The following PHF12 variants were observed in gnomAD, a reference collection of about 807,000 sequenced individuals.
The protein encoded by PHF12 is PHD finger protein 12.
A neutral mutation model predicts 99.8 loss-of-function variants in PHF12; 6 were observed. That is an observed-to-expected ratio of 0.06 (90% confidence interval 0.03 to 0.12). The LOEUF is 0.12. PHF12 is among the 10% of genes least tolerant of loss of function. The probability of loss-of-function intolerance (pLI) is 1.00; values close to 1 mark genes in which losing one functional copy is unlikely to be tolerated. For synonymous variants in PHF12, 480 were observed against 514.9 expected, an observed-to-expected ratio of 0.93 and a Z score of 0.92; for missense variants, 954 against 1,300.1, an observed-to-expected ratio of 0.73 and a Z score of 4.09.
intron 2 of PHF12, among the ~76,000 whole-genome samples, chr17:28,937,018 G>C (rs992538212): frequency 6.6e-6 from 1 of 152,152 alleles, no homozygotes. Flanking sequence ...CAGCCTCCTA[G>C]CAGCCATTTT....
intron 2 of PHF12, among the ~76,000 whole-genome samples, chr17:28,943,133 T>A (rs2040651031): frequency 6.6e-6 from 1 of 152,196 alleles, no homozygotes; most frequent in African/African-American, 2.4e-5. Context: ...CTCACTAGGA[T>A]GGCTTTAATC....
In PHF12 at chr17:28,950,313, C is replaced by T; in HGVS notation, c.67-67G>A. On this transcript the variant is annotated intron_variant, in intron 1 of 14. Transcript: ENST00000332830. This position sits in a 1 kb window ranked among gnomAD's most constrained non-coding sequence, Gnocchi z 5.7. Reference sequence around the variant, plus strand: ...CCCGGGCGGTCCGTCGCCCCCCCGGCGCGGTTTCTCCGTCACCCACCCCTC... The same window carrying T: ...CCCGGGCGGTCCGTCGCCCCCCCGGTGCGGTTTCTCCGTCACCCACCCCTC... The T allele has an allele frequency of 6.6e-7, 1 of 1,506,880 alleles. No homozygotes were observed. Among genetic ancestry groups the T allele is most frequent in the Middle Eastern group, 2.0e-4 (1 of 5,090 alleles). The allele number at this position is 1,506,880 out of a possible 1,614,324, so 93.3% of individuals were successfully genotyped here.
chr17:28,914,496 C>T (rs2040024782), intron 7 of PHF12, among the ~76,000 whole-genome samples: 1 of 151,868 alleles, frequency 6.6e-6, no homozygotes, highest in African/African-American at 2.4e-5. Context: ...CATGGTGAAA[C>T]CCCATCTCTA....
intron 11 of PHF12, 181 bp downstream of exon 11, chr17:28,910,045 G>A: frequency 2.3e-6 from 2 of 869,110 alleles, no homozygotes; most frequent in African/African-American, 1.7e-5. Context: ...TCAGAAAGCT[G>A]TGGTTGCCAT....
intron 6 of PHF12, among the ~76,000 whole-genome samples, chr17:28,918,874 C>A (rs1418901368): frequency 6.6e-6 from 1 of 152,212 alleles, no homozygotes; most frequent in Admixed American, 6.5e-5. Context: ...AGGGCTATAA[C>A]ATCAACTGCT....
Position 28,950,004 on chromosome 17 carries a change from G to C in PHF12, c.248+61C>G. 6.8e-7 allele frequency: 1 copy of C among 1,469,032 alleles called. No individual in the cohort carries two copies. The highest frequency in any genetic ancestry group is 1.3e-5 in the South Asian group (1 of 74,538). The allele number at this position is 1,469,032 out of a possible 1,614,324, so 91.0% of individuals were successfully genotyped here. A position where few individuals can be genotyped will look rare whatever the true frequency, so the allele number is the denominator to read the frequency against. ...TATTTCGGCAGTCAGGGGCAGGCCG[G>C]GTGAAGGAATGCGCAGAGAAGGGTC... On this transcript the variant is annotated intron_variant, in intron 2 of 14. Transcript: ENST00000332830. This position sits in a 1 kb window ranked among gnomAD's most constrained non-coding sequence, Gnocchi z 5.7.
At chr17:28,913,830 G>A in intron 8 of PHF12, 49 bp downstream of exon 8, 1 of 1,566,066 alleles carries the variant, frequency 6.4e-7, no homozygotes, top group South Asian at 1.2e-5. Context: ...CAGCTGTGGT[G>A]ACACAGAAGG....
At position 28,950,327 on chromosome 17, in the gene PHF12, C is replaced by T. The variant is rs1189730871; in HGVS notation, c.67-81G>A. 1.4e-6 allele frequency: 2 copies of T among 1,414,336 alleles called. No individual in the cohort carries two copies. Among genetic ancestry groups the T allele is most frequent in the Admixed American group, 2.1e-5 (1 of 47,266 alleles). 87.6% of individuals were successfully genotyped at this position (1,414,336 alleles called of 1,614,324 possible). A position where few individuals can be genotyped will look rare whatever the true frequency, so the allele number is the denominator to read the frequency against. ...CGCCCCCCCGGCGCGGTTTCTCCGTCACCCACCCCTCTCCCCCCTTTTGTC... is the reference window on the plus strand; with the variant it reads ...CGCCCCCCCGGCGCGGTTTCTCCGTTACCCACCCCTCTCCCCCCTTTTGTC... On this transcript the variant is annotated intron_variant, in intron 1 of 14. Coordinates refer to ENST00000332830, the MANE Select transcript of PHF12 (RefSeq NM_001033561.2). This position sits in a 1 kb window ranked among gnomAD's most constrained non-coding sequence, Gnocchi z 5.7.
In PHF12 at chr17:28,950,118, A is replaced by G; in HGVS notation, c.195T>C (p.Gly65=). 2 of 1,613,828 alleles carry G rather than the reference A, an allele frequency of 1.2e-6. No homozygotes were observed. The highest frequency in any genetic ancestry group is 8.5e-7 in the Non-Finnish European group (1 of 1,179,954). Residue 65 remains glycine (G), a synonymous_variant, in exon 2 of 15, where the codon GGT becomes GGC. Transcript: ENST00000332830. This position sits in a 1 kb window ranked among gnomAD's most constrained non-coding sequence, Gnocchi z 5.7. The stretch of plus-strand genomic sequence containing the variant: ...AGTGGTCGCAGCACAGGAGATCTCC[A>G]CCTTCCTTGCAGCTATCGCAGCTGT... ...NHDSCDSCKE[G]GDLLCCDHCP... is the part of the protein sequence containing the mutation.
At chr17:28,910,576 G>A (rs1484425707) in intron 10 of PHF12, 2 of 624,868 alleles carry the variant, frequency 3.2e-6, no homozygotes, top group African/African-American at 1.8e-5. Flanking sequence ...AATGCAGCCT[G>A]TGCAGCTGCC....
At chr17:28,931,690 T>C (rs1171732799) in intron 2 of PHF12, among the ~76,000 whole-genome samples, 3 of 146,648 alleles carry the variant, frequency 2.0e-5, no homozygotes, top group Non-Finnish European at 3.0e-5. Context: ...CAAGTGATTC[T>C]CCTGCCTCAG....
chr17:28,918,199 T>G (rs1223634894), intron 6 of PHF12, among the ~76,000 whole-genome samples: 1 of 152,236 alleles, frequency 6.6e-6, no homozygotes, highest in East Asian at 1.9e-4. Flanking sequence ...GAAAAACCTT[T>G]AAGTGGCTAA....
At chr17:28,940,093 GGA>G (rs2040586890) in intron 2 of PHF12, among the ~76,000 whole-genome samples, 2 of 152,288 alleles carry the variant, frequency 1.3e-5, no homozygotes, top group South Asian at 2.1e-4. Context: ...AGAAAACAGG[GGA>G]GAGGCAAAAA....
chr17:28,921,748 T>C lies in PHF12; in HGVS notation c.776A>G (p.His259Arg), dbSNP rs768884258. ...TTGKNVKKTQ[H>R]ELDHNGLVPL... Reference sequence around the variant, plus strand: ...AACGAGACCATTGTGATCTAATTCATGCTGTGTCTTCTTAACATTTTTCCC... The same window carrying C: ...AACGAGACCATTGTGATCTAATTCACGCTGTGTCTTCTTAACATTTTTCCC... Residue 259 changes from histidine (H) to arginine (R), a missense_variant, in exon 5 of 15, where the codon CAT becomes CGT. By Grantham distance (29) the His-to-Arg change is conservative. This residue lies in a region of PHF12 where 85 missense variants were observed against 196.6 expected (regional missense o/e 0.43). Transcript: ENST00000332830. The C allele has an allele frequency of 6.2e-7, 1 of 1,614,166 alleles. No individual in the cohort carries two copies. The highest frequency in any genetic ancestry group is 8.5e-7 in the Non-Finnish European group (1 of 1,179,988).
Position 28,950,648 on chromosome 17 carries a change from G to T in PHF12, c.66+247C>A, listed in dbSNP as rs982457873. ...GGGTGGGGAGGCCTGCCGGTGCAAC[G>T]AGATGGAGTGGGCTGGCGCCTCGGG... On this transcript the variant is annotated intron_variant, in intron 1 of 14. Transcript: ENST00000332830. The surrounding 1 kb of genome is among the most constrained non-coding windows in gnomAD (Gnocchi z 5.7). 1 of 568,230 alleles carries T rather than the reference G, an allele frequency of 1.8e-6. No homozygotes were observed. The highest frequency in any genetic ancestry group is 1.9e-5 in the African/African-American group (1 of 52,304). 35.2% of individuals were successfully genotyped at this position (568,230 alleles called of 1,614,324 possible).
At chr17:28,948,603 T>C (rs12948391) in intron 2 of PHF12, among the ~76,000 whole-genome samples, 23,417 of 152,224 alleles carry the variant, frequency 0.15, 1,998 homozygotes, top group South Asian at 0.25. Context: ...CTTCTGACCA[T>C]AAACTTAATT....
chr17:28,907,007 A>G lies in PHF12; in HGVS notation c.2542-13T>C. 1 of 1,595,326 alleles carries G rather than the reference A, an allele frequency of 6.3e-7. No individual in the cohort carries two copies. The highest frequency in any genetic ancestry group is 8.5e-7 in the Non-Finnish European group (1 of 1,170,384). On this transcript the variant is annotated splice_polypyrimidine_tract_variant and intron_variant, in intron 13 of 14. Transcript: ENST00000332830. Reference sequence around the variant, plus strand: ...AATGTTTGGTATTCTGAGGAGGAGGAGGGGAGATAAGATGTGTGGTCTGCT... The same window carrying G: ...AATGTTTGGTATTCTGAGGAGGAGGGGGGGAGATAAGATGTGTGGTCTGCT...
intron 2 of PHF12, among the ~76,000 whole-genome samples, chr17:28,932,474 T>C (rs1235577904): frequency 6.6e-6 from 1 of 152,152 alleles, no homozygotes; most frequent in Admixed American, 6.6e-5. Context: ...ATGAAATGGT[T>C]CCAGGAAAGA....
At chr17:28,941,698 G>A (rs1406243382) in intron 2 of PHF12, among the ~76,000 whole-genome samples, 1 of 151,966 alleles carries the variant, frequency 6.6e-6, no homozygotes, top group African/African-American at 2.4e-5. Context: ...CCACCTCCCG[G>A]GTTCAAGCGA....
Sources: gnomAD v4.1 joint callset for allele counts (sites outside exome capture counted in the v4.1 genomes callset) on GRCh38, gnomAD v4.1.1 for gene constraint, gnomAD v4.1.1 regional missense constraint, Gnocchi (gnomAD v3.1) non-coding constraint, MANE v1.5 for transcripts, NCBI Gene and HGNC (gene_info 2026-07-23, HGNC 2026-07-21) for gene names.